Variants in LMOD1 observed in about 807,000 individuals in gnomAD.
The protein encoded by LMOD1 is leiomodin 1, also known as leiomodin-1.
LMOD1 carries 8 observed loss-of-function variants against 36.5 expected under a neutral mutation model. That is an observed-to-expected ratio of 0.22 (90% CI 0.13 to 0.40). LMOD1 has a LOEUF of 0.40. Among genes scored for constraint, LMOD1 ranks in the 10% least tolerant of loss-of-function variants. LMOD1 has a pLI of 1.00. For missense variants in LMOD1, 630 were observed against 751.1 expected, an observed-to-expected ratio of 0.84 and a Z score of 1.88; for synonymous variants, 284 against 288.7, an observed-to-expected ratio of 0.98 and a Z score of 0.17.
At chr1:201,940,748 AT>A (rs34009358) in intron 1 of LMOD1, among the ~76,000 whole-genome samples, 168 of 125,202 alleles carry the variant, frequency 1.3e-3, no homozygotes, top group East Asian at 3.8e-3. Flanking sequence ...CACGCCCAGC[AT>A]TTTTTTTTTT....
At chr1:201,937,357 G>A (rs1290953636) in intron 1 of LMOD1, among the ~76,000 whole-genome samples, 2 of 152,076 alleles carry the variant, frequency 1.3e-5, no homozygotes, top group Non-Finnish European at 1.5e-5. Context: ...TGAGGCAGGA[G>A]GATCCCTTGA....
chr1:201,919,918 G>A (rs1418731657), intron 1 of LMOD1, among the ~76,000 whole-genome samples: 1 of 151,824 alleles, frequency 6.6e-6, no homozygotes, highest in African/African-American at 2.4e-5. Context: ...CTCCATCCTG[G>A]CCACTAAACT....
At chr1:201,906,726 C>T (rs1014134632) in intron 1 of LMOD1, among the ~76,000 whole-genome samples, 2 of 152,178 alleles carry the variant, frequency 1.3e-5, no homozygotes, top group African/African-American at 4.8e-5. Context: ...TCTAGAGTCT[C>T]TGGAAAAGAA....
chr1:201,898,441 C>T (rs1351626353), intron 2 of LMOD1, 43 bp from the exon 3 acceptor site: 2 of 1,578,214 alleles, frequency 1.3e-6, no homozygotes. Flanking sequence ...GGGAGCTCAG[C>T]CACCTCACCT....
At position 201,898,181 on chromosome 1, in the gene LMOD1, G is replaced by C. The variant is rs1681224696; in HGVS notation, c.*191C>G. ...AAAGCAAAATTTGGAGAGCCTCAGA[G>C]ACAAGAAAAGGAAAGTGAGAAGAGA... On this transcript the variant is annotated 3_prime_UTR_variant, in exon 3 of 3. Transcript: ENST00000367288. The C allele has an allele frequency of 1.6e-6, 1 of 634,030 alleles. No homozygotes were observed. The allele number at this position is 634,030 out of a possible 1,614,324, so 39.3% of individuals were successfully genotyped here. A position where few individuals can be genotyped will look rare whatever the true frequency, so the allele number is the denominator to read the frequency against.
At chr1:201,922,172 A>G (rs1294360116) in intron 1 of LMOD1, among the ~76,000 whole-genome samples, 1 of 152,164 alleles carries the variant, frequency 6.6e-6, no homozygotes, top group East Asian at 1.9e-4. Flanking sequence ...ACTTGGGAAA[A>G]CAGTCTGGCA....
chr1:201,911,569 G>A (rs916192762), intron 1 of LMOD1, among the ~76,000 whole-genome samples: 1 of 152,202 alleles, frequency 6.6e-6, no homozygotes, highest in Non-Finnish European at 1.5e-5. Flanking sequence ...GGAGGCTGAA[G>A]CAGGAGAATC....
At position 201,907,634 on chromosome 1, in the gene LMOD1, C is replaced by T. The variant is rs901327704; in HGVS notation, c.262-6883G>A. ...GGATGAGGCTGCTTTGAGAAGCCTC[C>T]CCCAAACCCACCCCAGTCCTATGGT... On this transcript the variant is annotated intron_variant, in intron 1 of 2. Transcript: ENST00000367288. Among the ~76,000 whole-genome samples the T allele has an allele frequency of 3.6e-4, 55 of 152,134 alleles. 1 individual carries two copies. Among genetic ancestry groups the T allele is most frequent in the African/African-American group, 1.2e-3 (51 of 41,412 alleles).
intron 1 of LMOD1, among the ~76,000 whole-genome samples, chr1:201,915,234 C>G (rs1260160812): frequency 7.5e-6 from 1 of 133,200 alleles, no homozygotes; most frequent in Non-Finnish European, 1.7e-5. Flanking sequence ...CTTCAAGGAC[C>G]CTCTTCCTTG....
At chr1:201,907,071 T>C (rs1182608175) in intron 1 of LMOD1, among the ~76,000 whole-genome samples, 1 of 152,194 alleles carries the variant, frequency 6.6e-6, no homozygotes, top group Non-Finnish European at 1.5e-5. Context: ...ACAACTGATA[T>C]TGCCCCTAGA....
At chr1:201,914,365 T>G (rs1009432469) in intron 1 of LMOD1, among the ~76,000 whole-genome samples, 1 of 152,290 alleles carries the variant, frequency 6.6e-6, no homozygotes, top group Non-Finnish European at 1.5e-5. Context: ...TTTGCTCTTA[T>G]GTCAACATGG....
chr1:201,910,962 G>T (rs1681487570), intron 1 of LMOD1, among the ~76,000 whole-genome samples: 2 of 151,822 alleles, frequency 1.3e-5, no homozygotes, highest in Admixed American at 1.3e-4. Context: ...GGGAGGACTG[G>T]AGTTCACACT....
intron 1 of LMOD1, among the ~76,000 whole-genome samples, chr1:201,943,048 G>A (rs368256420): frequency 6.6e-6 from 1 of 152,258 alleles, no homozygotes; most frequent in East Asian, 1.9e-4. Context: ...ACTCATGGGG[G>A]CAGGGAGATG....
chr1:201,916,647 C>T (rs1469016824), intron 1 of LMOD1, among the ~76,000 whole-genome samples: 1 of 151,870 alleles, frequency 6.6e-6, no homozygotes, highest in Non-Finnish European at 1.5e-5. Context: ...GGCATCAGGC[C>T]GTGGTGTGGG....
intron 1 of LMOD1, among the ~76,000 whole-genome samples, chr1:201,914,355 T>G (rs1227469731): frequency 6.6e-6 from 1 of 152,154 alleles, no homozygotes; most frequent in Non-Finnish European, 1.5e-5. Context: ...GGTTCCACAC[T>G]TTGCTCTTAT....
intron 1 of LMOD1, among the ~76,000 whole-genome samples, chr1:201,945,317 T>TC (rs1682185104): frequency 6.6e-6 from 1 of 152,116 alleles, no homozygotes; most frequent in African/African-American, 2.4e-5. Context: ...CCCTTTTCCC[T>TC]CCTCTATGAC....
At chr1:201,927,167 G>T (rs1353525105) in intron 1 of LMOD1, among the ~76,000 whole-genome samples, 1 of 152,110 alleles carries the variant, frequency 6.6e-6, no homozygotes, top group African/African-American at 2.4e-5. Flanking sequence ...TTAAGGCAAA[G>T]ATTACAGAGA....
chr1:201,916,535 A>G (rs897521410), intron 1 of LMOD1, among the ~76,000 whole-genome samples: 7 of 151,242 alleles, frequency 4.6e-5, no homozygotes, highest in African/African-American at 1.7e-4. Flanking sequence ...ACAAAACAAA[A>G]CAAAACAAAA....
At chr1:201,906,085 G>A (rs144830341) in intron 1 of LMOD1, among the ~76,000 whole-genome samples, 1 of 152,204 alleles carries the variant, frequency 6.6e-6, no homozygotes, top group Non-Finnish European at 1.5e-5. Flanking sequence ...AGGATCTATG[G>A]GGTCTCCAAA....
Sources: gnomAD v4.1 joint callset for allele counts (sites outside exome capture counted in the v4.1 genomes callset) on GRCh38, gnomAD v4.1.1 for gene constraint, MANE v1.5 for transcripts, NCBI Gene and HGNC (gene_info 2026-07-23, HGNC 2026-07-21) for gene names.